Variants in METTL24 observed in about 807,000 individuals in gnomAD.
METTL24 encodes methyltransferase like 24.
A neutral mutation model predicts 32.7 loss-of-function variants in METTL24; 29 were observed. That is an observed-to-expected ratio of 0.89 (90% confidence interval 0.66 to 1.21). METTL24 has a LOEUF of 1.21. METTL24 is among the 50% of genes most tolerant of loss of function. The pLI, the probability that METTL24 is intolerant of heterozygous loss-of-function variation, is 0.00. For synonymous variants in METTL24, 163 were observed against 179.5 expected (o/e 0.91, Z 0.73); for missense variants, 439 against 468.1 (o/e 0.94, Z 0.57).
Position 110,338,679 on chromosome 6 carries a change from A to G in METTL24, c.319-15807T>C, listed in dbSNP as rs187752337. On this transcript the variant is annotated intron_variant, in intron 1 of 4. Transcript: ENST00000338882. ...TCATTAAAAATTAGCATTTGTTTTA[A>G]TAGATTAAAAAGTTAAGTATTTACA... Among the ~76,000 whole-genome samples, 411 of 152,354 alleles carry G rather than the reference A, an allele frequency of 2.7e-3. 1 individual carries two copies. Among genetic ancestry groups the G allele is most frequent in the Middle Eastern group, 0.014 (4 of 294 alleles).
intron 3 of METTL24, among the ~76,000 whole-genome samples, chr6:110,309,622 G>A (rs1420688454): frequency 1.3e-5 from 2 of 152,244 alleles, no homozygotes; most frequent in East Asian, 1.9e-4. Context: ...TTACATGGAT[G>A]GCAGCAGGCA....
intron 1 of METTL24, among the ~76,000 whole-genome samples, chr6:110,348,383 G>A (rs1203441738): frequency 6.6e-6 from 1 of 152,138 alleles, no homozygotes; most frequent in East Asian, 1.9e-4. Flanking sequence ...CATGAAATTT[G>A]TAAAACCATG....
chr6:110,286,696 C>G (rs974596854), intron 4 of METTL24, among the ~76,000 whole-genome samples: 1 of 152,094 alleles, frequency 6.6e-6, no homozygotes, highest in African/African-American at 2.4e-5. Flanking sequence ...AACTCAATGT[C>G]GAATTGATCC....
chr6:110,246,154 T>G lies in METTL24; in HGVS notation c.893A>C (p.His298Pro), dbSNP rs1457253335. ...EQIGQLIFEIHLHWPGFEVSG... is the reference protein window; with the variant it reads ...EQIGQLIFEIPLHWPGFEVSG... ...GACCTCAAACCCAGGCCAGTGGAGA[T>G]GGATCTCAAAGATGAGCTGTCCAAT... Residue 298 changes from histidine (H) to proline (P), a missense_variant, in exon 5 of 5, where the codon CAT (histidine) becomes CCT (proline). By Grantham distance (77) the His-to-Pro change is moderately conservative. Transcript: ENST00000338882. The G allele has an allele frequency of 6.2e-7, 1 of 1,614,204 alleles. No homozygotes were observed. Among genetic ancestry groups the G allele is most frequent in the East Asian group, 2.2e-5 (1 of 44,878 alleles).
intron 1 of METTL24, among the ~76,000 whole-genome samples, chr6:110,335,188 A>T (rs1404629631): frequency 6.6e-6 from 1 of 152,194 alleles, no homozygotes; most frequent in South Asian, 2.1e-4. Context: ...TTGGAAGTCA[A>T]TCCATTCTGA....
chr6:110,283,392 A>G (rs1256148943), intron 4 of METTL24, among the ~76,000 whole-genome samples: 56 of 152,208 alleles, frequency 3.7e-4, no homozygotes, highest in Non-Finnish European at 1.5e-5. Context: ...AATTTTTTCC[A>G]TAATCTTGCC....
intron 1 of METTL24, among the ~76,000 whole-genome samples, chr6:110,345,569 A>G (rs1479374791): frequency 1.3e-5 from 2 of 152,252 alleles, no homozygotes; most frequent in Non-Finnish European, 2.9e-5. Context: ...AATGTGGTAC[A>G]TATACACCAT....
rs561391497 is a variant in METTL24 at position 110,338,358 on chromosome 6, C to T, written c.319-15486G>A. 3.3e-4 allele frequency among the ~76,000 whole-genome samples: 50 copies of T among 152,126 alleles called. 1 individual carries two copies. Among genetic ancestry groups the T allele is most frequent in the Admixed American group, 1.8e-3 (27 of 15,268 alleles). On this transcript the variant is annotated intron_variant, in intron 1 of 4. Transcript: ENST00000338882. ...ACTAAAAATACAAAAATTAGCTGGG[C>T]GTGATGGTGCATGCCTGTAATACCA...
At chr6:110,306,742 C>T (rs540353370) in intron 3 of METTL24, among the ~76,000 whole-genome samples, 15 of 152,170 alleles carry the variant, frequency 9.9e-5, no homozygotes, top group Middle Eastern at 3.4e-3. Flanking sequence ...TTTGTGGTCA[C>T]GTAAAAAGCA....
intron 4 of METTL24, among the ~76,000 whole-genome samples, chr6:110,270,359 TG>T (rs1431062902): frequency 7.3e-6 from 1 of 137,122 alleles, no homozygotes; most frequent in Non-Finnish European, 1.6e-5. Flanking sequence ...GAGCTGGTTG[TG>T]GGGGGAGGGG....
chr6:110,246,055 A>T lies in METTL24; in HGVS notation c.992T>A (p.Leu331His), dbSNP rs916765898. 3 of 1,614,188 alleles carry T rather than the reference A, an allele frequency of 1.9e-6. No individual in the cohort carries two copies. Among genetic ancestry groups the T allele is most frequent in the Non-Finnish European group, 2.5e-6 (3 of 1,180,036 alleles). ...AGATAAGTCTTTGTAACTGTGAAAAAGCCTGAAATCCTTTTGTTCTAACTC... is the reference window on the plus strand; with the variant it reads ...AGATAAGTCTTTGTAACTGTGAAAATGCCTGAAATCCTTTTGTTCTAACTC... ...LKELEQKDFR[L>H]FHSYKDLSKP... The change falls in exon 5 of 5, where the codon CTT becomes CAT. Residue 331 changes from leucine to histidine, a missense_variant. Physicochemically the swap from Leu to His is moderately conservative, Grantham distance 99. Coordinates refer to ENST00000338882, the MANE Select transcript of METTL24 (RefSeq NM_001123364.3).
chr6:110,269,604 T>C lies in METTL24; in HGVS notation c.787-23344A>G, dbSNP rs866350630. 3.3e-5 allele frequency among the ~76,000 whole-genome samples: 5 copies of C among 152,178 alleles called. No homozygotes were observed. In the South Asian group the frequency reaches 1.0e-3, roughly 31 times the overall value. On this transcript the variant is annotated intron_variant, in intron 4 of 4. Transcript: ENST00000338882. Reference sequence around the variant, plus strand: ...TCTTCCTGAAAAAATATTGTGGTCATTGTATTTTTATGCTAATATGAATTT... The same window carrying C: ...TCTTCCTGAAAAAATATTGTGGTCACTGTATTTTTATGCTAATATGAATTT...
chr6:110,246,075 T>C lies in METTL24; in HGVS notation c.972A>G (p.Leu324=). Residue 324 remains leucine, a synonymous_variant, in exon 5 of 5, where the codon TTA becomes TTG. Transcript: ENST00000338882. ...GAAAAAGCCTGAAATCCTTTTGTTC[T>C]AACTCTTTGAGAAGGCTGTACCAGA... The part of the protein sequence containing the change: ...VRFWYSLLKE[L]EQKDFRLFHS... 6.2e-7 allele frequency: 1 copy of C among 1,614,198 alleles called. No individual in the cohort carries two copies. The highest frequency in any genetic ancestry group is 2.2e-5 in the East Asian group (1 of 44,884).
intron 2 of METTL24, 48 bp downstream of exon 2, chr6:110,322,726 C>A: frequency 6.7e-7 from 1 of 1,495,022 alleles, no homozygotes. Context: ...AAGAGGCAAT[C>A]AGGATCTTTC....
At chr6:110,345,244 TAAG>T (rs1408424571) in intron 1 of METTL24, among the ~76,000 whole-genome samples, 5 of 152,124 alleles carry the variant, frequency 3.3e-5, no homozygotes, top group African/African-American at 1.2e-4. Flanking sequence ...CTCACACCAG[TAAG>T]AAGGCTATTA....
chr6:110,295,951 T>C (rs1227065872), intron 4 of METTL24, among the ~76,000 whole-genome samples: 1 of 152,100 alleles, frequency 6.6e-6, no homozygotes, highest in Non-Finnish European at 1.5e-5. Context: ...TCACACTATG[T>C]TCTCAGACCT....
At chr6:110,273,070 TTA>T (rs950393127) in intron 4 of METTL24, among the ~76,000 whole-genome samples, 5 of 152,158 alleles carry the variant, frequency 3.3e-5, no homozygotes, top group African/African-American at 1.2e-4. Context: ...TTTTCCTATA[TTA>T]TCCTCTAGAA....
At chr6:110,262,150 A>C (rs1208393256) in intron 4 of METTL24, among the ~76,000 whole-genome samples, 1 of 152,150 alleles carries the variant, frequency 6.6e-6, no homozygotes, top group Admixed American at 6.5e-5. Flanking sequence ...GATACAAAAA[A>C]CCCTTCAAAA....
In METTL24 at chr6:110,292,314, C is replaced by A. The variant is rs191103522; in HGVS notation, c.786+6608G>T. On this transcript the variant is annotated intron_variant, in intron 4 of 4. Transcript: ENST00000338882. ...TGATAGATATTGCCAAACTGCCCTG[C>A]AGAAAGGCTGTAGCAATTTATATTC... Among the ~76,000 whole-genome samples the A allele has an allele frequency of 2.4e-3, 368 of 152,346 alleles. 1 individual carries two copies. The highest frequency in any genetic ancestry group is 0.017 in the Middle Eastern group (5 of 294).
Sources: gnomAD v4.1 joint callset for allele counts (sites outside exome capture counted in the v4.1 genomes callset) on GRCh38, gnomAD v4.1.1 for gene constraint, MANE v1.5 for transcripts, NCBI Gene and HGNC (gene_info 2026-07-23, HGNC 2026-07-21) for gene names.